The following ANAPC7 variants were observed in gnomAD, a reference collection of about 807,000 sequenced individuals.
The protein encoded by ANAPC7 is anaphase promoting complex subunit 7.
In ANAPC7, 25 loss-of-function variants were observed where a neutral mutation model predicts 63.3. The observed-to-expected ratio is 0.39, with a 90% CI of 0.29 to 0.55. ANAPC7 has a LOEUF of 0.55. Among genes scored for constraint, ANAPC7 ranks in the 20% least tolerant of loss-of-function variants. The pLI is 0.57. For missense variants in ANAPC7, 516 were observed against 691.7 expected (o/e 0.75, Z 2.85); for synonymous variants, 241 against 251.7 (o/e 0.96, Z 0.40).
At chr12:110,388,119 C>T (rs1404573444) in intron 4 of ANAPC7, among the ~76,000 whole-genome samples, 2 of 152,192 alleles carry the variant, frequency 1.3e-5, no homozygotes, top group Non-Finnish European at 2.9e-5. Flanking sequence ...TCACTGCAAC[C>T]TCTGCCTCCT....
intron 6 of ANAPC7, among the ~76,000 whole-genome samples, chr12:110,383,749 G>A (rs1882159125): frequency 6.6e-6 from 1 of 151,528 alleles, no homozygotes; most frequent in Non-Finnish European, 1.5e-5. Flanking sequence ...GGTGGCGTGT[G>A]CCTGTAATCC....
At chr12:110,394,669 C>CAAAAAAAAAAAAAAAAAAAA (rs779142936) in intron 3 of ANAPC7, among the ~76,000 whole-genome samples, 14 of 42,776 alleles carry the variant, frequency 3.3e-4, no homozygotes, top group African/African-American at 1.3e-3. Context: ...AATTCCACCT[C>CAAAAAAAAAAAAAAAAAAAA]AAAAAAAAAA....
intron 3 of ANAPC7, among the ~76,000 whole-genome samples, chr12:110,389,433 C>T (rs773294463): frequency 6.6e-6 from 1 of 152,118 alleles, no homozygotes; most frequent in African/African-American, 2.4e-5. Flanking sequence ...TTTGACAATT[C>T]GACTTGTGGC....
intron 8 of ANAPC7, among the ~76,000 whole-genome samples, chr12:110,378,384 G>A (rs1330139036): frequency 3.3e-5 from 5 of 152,206 alleles, no homozygotes; most frequent in African/African-American, 1.2e-4. Flanking sequence ...GTAAGCCACC[G>A]TGCCTGGCCT....
At chr12:110,385,080 A>G (rs1449835386) in intron 6 of ANAPC7, among the ~76,000 whole-genome samples, 1 of 152,130 alleles carries the variant, frequency 6.6e-6, no homozygotes, top group Non-Finnish European at 1.5e-5. Flanking sequence ...CCTGGCTAAC[A>G]TGGTGAAACC....
At position 110,374,246 on chromosome 12, in the gene ANAPC7, A is replaced by T. The variant is rs1566256320; in HGVS notation, c.1596T>A (p.Asp532Glu). ...CCCCACTCCCTTCCATGTCGTCCAC[A>T]TCCTCCTCCTGAGTGGCATCCGTGG... ...ESPTDATQEE[D>E]VDDMEGSGEE... The change falls in exon 11 of 11, where the codon GAT becomes GAA. Residue 532 changes from aspartate to glutamate, a missense_variant. Physicochemically the swap from Asp to Glu is conservative, Grantham distance 45. This residue lies in a region of ANAPC7 where 122 missense variants were observed against 212.0 expected (regional missense o/e 0.58). Transcript: ENST00000455511. The T allele has an allele frequency of 1.2e-6, 2 of 1,613,982 alleles. No homozygotes were observed. Among genetic ancestry groups the T allele is most frequent in the Middle Eastern group, 1.6e-4 (1 of 6,062 alleles).
Position 110,381,954 on chromosome 12 carries a change from G to GGAAAAAA in ANAPC7, c.936-7_936-6insTTTTTTC, listed in dbSNP as rs1566263376. 54 of 977,120 alleles carry GGAAAAAA rather than the reference G, an allele frequency of 5.5e-5. No individual in the cohort carries two copies. Among genetic ancestry groups the GGAAAAAA allele is most frequent in the South Asian group, 1.8e-4 (9 of 49,392 alleles). The allele number at this position is 977,120 out of a possible 1,614,324, so 60.5% of individuals were successfully genotyped here. On this transcript the variant is annotated splice_polypyrimidine_tract_variant and splice_region_variant and intron_variant, in intron 7 of 10. Coordinates refer to ENST00000455511, the MANE Select transcript of ANAPC7 (RefSeq NM_016238.3). ...TGCTATAGAAGCTGTGACAGCTGGAGAAAAAAAAAAAAAAAAAAACACAAA... is the reference window on the plus strand; with the variant it reads ...TGCTATAGAAGCTGTGACAGCTGGAGGAAAAAAAAAAAAAAAAAAAAAAAAACACAAA...
At chr12:110,397,712 AC>A (rs1566278444) in intron 1 of ANAPC7, among the ~76,000 whole-genome samples, 1 of 152,176 alleles carries the variant, frequency 6.6e-6, no homozygotes, top group Admixed American at 6.5e-5. Flanking sequence ...AGCCTAACCA[AC>A]ATGGTGAAAC....
intron 10 of ANAPC7, chr12:110,375,759 T>G (rs939636875): frequency 9.8e-7 from 1 of 1,018,892 alleles, no homozygotes; most frequent in African/African-American, 1.7e-5. Flanking sequence ...AAATATATAC[T>G]AGGTACAGCC....
intron 9 of ANAPC7, among the ~76,000 whole-genome samples, chr12:110,376,841 G>A (rs905194168): frequency 6.6e-6 from 1 of 151,916 alleles, no homozygotes; most frequent in African/African-American, 2.4e-5. Flanking sequence ...AGTGAGCCGA[G>A]GCTGGGCACG....
intron 3 of ANAPC7, among the ~76,000 whole-genome samples, chr12:110,393,858 A>C (rs1592922737): frequency 2.1e-5 from 2 of 96,278 alleles, no homozygotes; most frequent in African/African-American, 8.9e-5. Context: ...CAAGAGCGAA[A>C]CTCCCTCTCA....
In ANAPC7 at chr12:110,403,664, T is replaced by C. The variant is rs1407493762; in HGVS notation, c.-37A>G. On this transcript the variant is annotated 5_prime_UTR_variant, in exon 1 of 11. Coordinates refer to ENST00000455511, the MANE Select transcript of ANAPC7 (RefSeq NM_016238.3). ...AAGCCGCGGGCAGCGGCGGCAGCAC[T>C]GACTCGAAAAGCCGGTAGAGGATCC... The C allele has an allele frequency of 6.4e-7, 1 of 1,565,256 alleles. No homozygotes were observed. Among genetic ancestry groups the C allele is most frequent in the Non-Finnish European group, 8.7e-7 (1 of 1,154,282 alleles).
chr12:110,375,783 T>C, intron 10 of ANAPC7: 4 of 1,081,782 alleles, frequency 3.7e-6, no homozygotes, highest in Non-Finnish European at 4.5e-6. Flanking sequence ...TAAAAATATG[T>C]GTGTGTGGGC....
intron 1 of ANAPC7, among the ~76,000 whole-genome samples, chr12:110,398,691 A>T (rs2062178143): frequency 6.6e-6 from 1 of 152,180 alleles, no homozygotes; most frequent in Admixed American, 6.5e-5. Flanking sequence ...ATGGTGGCTC[A>T]TGCCTGTTGT....
intron 3 of ANAPC7, among the ~76,000 whole-genome samples, chr12:110,392,086 A>G (rs1459342424): frequency 7.1e-5 from 6 of 84,028 alleles, no homozygotes; most frequent in Admixed American, 6.7e-4. Flanking sequence ...GCAAGACTCC[A>G]CCTCACAAAA....
intron 8 of ANAPC7, chr12:110,377,979 G>A (rs1881444755): frequency 8.3e-6 from 3 of 360,606 alleles, no homozygotes; most frequent in South Asian, 1.0e-4. Flanking sequence ...AGTGAGAGAT[G>A]ATGTTCCCAA....
intron 7 of ANAPC7, among the ~76,000 whole-genome samples, chr12:110,382,440 T>TA (rs1881940277): frequency 1.9e-4 from 5 of 26,778 alleles, no homozygotes; most frequent in South Asian, 2.1e-3. Flanking sequence ...GATTATCCTT[T>TA]TAAAAAAAAA....
chr12:110,376,546 G>A (rs1881286196), intron 9 of ANAPC7, among the ~76,000 whole-genome samples: 1 of 119,028 alleles, frequency 8.4e-6, no homozygotes, highest in Admixed American at 1.0e-4. Context: ...TCCAGTCTGG[G>A]CAACAGAGCG....
chr12:110,393,574 A>T (rs1883286217), intron 3 of ANAPC7, among the ~76,000 whole-genome samples: 1 of 150,120 alleles, frequency 6.7e-6, no homozygotes, highest in Admixed American at 6.7e-5. Flanking sequence ...TAAAAAAAAG[A>T]AAAAAAAAAT....
Sources: gnomAD v4.1 joint callset for allele counts (sites outside exome capture counted in the v4.1 genomes callset) on GRCh38, gnomAD v4.1.1 for gene constraint, gnomAD v4.1.1 regional missense constraint, MANE v1.5 for transcripts, NCBI Gene and HGNC (gene_info 2026-07-23, HGNC 2026-07-21) for gene names.